Variants in CASKIN1 observed in about 807,000 individuals in gnomAD.
CASKIN1 encodes CASK interacting protein 1, also known as caskin-1.
Under a neutral mutation model 117.5 loss-of-function variants are expected in CASKIN1, and 42 were observed. The ratio of observed to expected loss-of-function variants is 0.36; its 90% confidence interval spans 0.28 to 0.46. The LOEUF (loss-of-function observed/expected upper bound fraction) is 0.46, where lower values mean the gene tolerates loss of function less well. CASKIN1 is among the 20% of genes least tolerant of loss of function. The pLI is 1.00. For missense variants in CASKIN1, 2,083 were observed against 2,077.3 expected, an observed-to-expected ratio of 1.00 and a Z score of -0.05; for synonymous variants, 1,148 against 961.7, an observed-to-expected ratio of 1.19 and a Z score of -3.59.
Position 2,181,545 on chromosome 16 carries a change from G to C in CASKIN1, c.1823C>G (p.Ala608Gly), listed in dbSNP as rs779483964. ...GCCCCCCTCATACTTGGCGTATTCAGCCTTCTGCAGCTCTGCCAGCTTCCT... is the reference window on the plus strand; with the variant it reads ...GCCCCCCTCATACTTGGCGTATTCACCCTTCTGCAGCTCTGCCAGCTTCCT... ...AVRKLAELQK[A>G]EYAKYEGGPL... Residue 608 changes from alanine (A) to glycine (G), a missense_variant, in exon 18 of 20, where the codon GCT (alanine) becomes GGT (glycine). Transcript: ENST00000343516. The C allele has an allele frequency of 1.3e-6, 2 of 1,593,406 alleles. No homozygotes were observed. Among genetic ancestry groups the C allele is most frequent in the South Asian group, 2.3e-5 (2 of 88,832 alleles).
At position 2,182,009 on chromosome 16, in the gene CASKIN1, G is replaced by A. The variant is rs1391198411; in HGVS notation, c.1630-80C>T. On this transcript the variant is annotated intron_variant, in intron 16 of 19. Transcript: ENST00000343516. This position sits in a 1 kb window ranked among gnomAD's most constrained non-coding sequence, Gnocchi z 4.1. ...ATCTACCTGGAGCTGGAGGAGGAAGGGTCACCGGGCCAGCAGGGCACAGAC... is the reference window on the plus strand; with the variant it reads ...ATCTACCTGGAGCTGGAGGAGGAAGAGTCACCGGGCCAGCAGGGCACAGAC... 6.3e-7 allele frequency: 1 copy of A among 1,589,640 alleles called. No individual in the cohort carries two copies. The highest frequency in any genetic ancestry group is 8.6e-7 in the Non-Finnish European group (1 of 1,164,284).
rs761308138 is a variant in CASKIN1 at position 2,183,657 on chromosome 16, C to G, written c.1618G>C (p.Glu540Gln). 6.2e-7 allele frequency: 1 copy of G among 1,613,026 alleles called. No homozygotes were observed. Among genetic ancestry groups the G allele is most frequent in the African/African-American group, 1.3e-5 (1 of 74,922 alleles). The change falls in exon 16 of 20, where the codon GAG becomes CAG. Residue 540 changes from glutamate to glutamine, a missense_variant. By Grantham distance (29) the Glu-to-Gln change is conservative. Coordinates refer to ENST00000343516, the MANE Select transcript of CASKIN1 (RefSeq NM_020764.4). ...GCAGGTGGCCTTACGGGTTTGTGCT[C>G]AGGCAGCCAGTCAGGGATGCTTAGG... ...SGLSIPDWLP[E>Q]HKPANLAVWL...
chr16:2,179,550 A>G lies in CASKIN1; in HGVS notation c.3775+43T>C. The G allele has an allele frequency of 7.1e-7, 1 of 1,413,362 alleles. No homozygotes were observed. The highest frequency in any genetic ancestry group is 9.2e-7 in the Non-Finnish European group (1 of 1,085,564). The allele number at this position is 1,413,362 out of a possible 1,614,324, so 87.6% of individuals were successfully genotyped here. On this transcript the variant is annotated intron_variant, in intron 18 of 19. Transcript: ENST00000343516. This position sits in a 1 kb window ranked among gnomAD's most constrained non-coding sequence, Gnocchi z 5.8. ...CTCAGACCACCGAGTAAGGAGGTGG[A>G]GCAGGGTCCTGTTGCCCCTTCACCC...
intron 6 of CASKIN1, among the ~76,000 whole-genome samples, chr16:2,188,663 C>T (rs1430573994): frequency 6.6e-6 from 1 of 152,194 alleles, no homozygotes; most frequent in Non-Finnish European, 1.5e-5. Context: ...CCACAGTGAG[C>T]ACTGTTGAAG....
At chr16:2,183,508 G>T in intron 16 of CASKIN1, 138 bp downstream of exon 16, 1 of 798,208 alleles carries the variant, frequency 1.3e-6, no homozygotes, top group South Asian at 1.7e-5. Context: ...GAGGCTCCCT[G>T]CTAGCAGGGC....
chr16:2,179,927 C>G lies in CASKIN1; in HGVS notation c.3441G>C (p.Thr1147=). The change falls in exon 18 of 20, where the codon ACG becomes ACC. Residue 1147 remains threonine (T), a synonymous_variant. Coordinates refer to ENST00000343516, the MANE Select transcript of CASKIN1 (RefSeq NM_020764.4). This position sits in a 1 kb window ranked among gnomAD's most constrained non-coding sequence, Gnocchi z 5.8. ...NVKFILTESD[T]VKRRPKAKER... Reference sequence around the variant, plus strand: ...CCTTGGCCTTGGGCCTGCGCTTGACCGTGTCAGACTCGGTCAGGATGAACT... The same window carrying G: ...CCTTGGCCTTGGGCCTGCGCTTGACGGTGTCAGACTCGGTCAGGATGAACT... 6.2e-7 allele frequency: 1 copy of G among 1,605,858 alleles called. No homozygotes were observed. Among genetic ancestry groups the G allele is most frequent in the Non-Finnish European group, 8.5e-7 (1 of 1,176,726 alleles).
chr16:2,185,470 A>G (rs2093181286), intron 10 of CASKIN1, 62 bp from the exon 11 acceptor site: 2 of 1,398,322 alleles, frequency 1.4e-6, no homozygotes, highest in African/African-American at 2.9e-5. Context: ...GACGCAGGGG[A>G]GGCAGGACAG....
intron 1 of CASKIN1, among the ~76,000 whole-genome samples, chr16:2,194,049 C>T (rs1020515873): frequency 2.6e-5 from 4 of 152,186 alleles, no homozygotes; most frequent in South Asian, 2.1e-4. Context: ...ACAGTAAAGG[C>T]CTTACCCCCG....
intron 1 of CASKIN1, 122 bp from the exon 2 acceptor site, chr16:2,190,480 C>A: frequency 3.5e-6 from 3 of 856,536 alleles, no homozygotes; most frequent in South Asian, 3.1e-5. Flanking sequence ...TCTCAGTCTG[C>A]AGACACTCAC....
At chr16:2,194,218 C>T (rs2093209261) in intron 1 of CASKIN1, among the ~76,000 whole-genome samples, 1 of 152,120 alleles carries the variant, frequency 6.6e-6, no homozygotes, top group Non-Finnish European at 1.5e-5. Context: ...ATTCTTGGGC[C>T]TGCCTCCATG....
chr16:2,179,497 T>C lies in CASKIN1; in HGVS notation c.3775+96A>G. 2.9e-6 allele frequency: 4 copies of C among 1,390,904 alleles called. No homozygotes were observed. The highest frequency in any genetic ancestry group is 3.7e-6 in the Non-Finnish European group (4 of 1,072,606). The allele number at this position is 1,390,904 out of a possible 1,614,324, so 86.2% of individuals were successfully genotyped here. On this transcript the variant is annotated intron_variant, in intron 18 of 19. Transcript: ENST00000343516. The surrounding 1 kb of genome is among the most constrained non-coding windows in gnomAD (Gnocchi z 5.8). ...GACACGTTCCCACCCCACCTGGGCT[T>C]CCATCAAACCCAAGAAAAGGAAAAC...
At position 2,189,107 on chromosome 16, in the gene CASKIN1, G is replaced by A. The variant is rs1267777837; in HGVS notation, c.537C>T (p.Pro179=). ...SSNMCAALLE[P]RPGDATDPNG... is the part of the protein sequence containing the mutation. ...TGGGGTCGGTGGCGTCTCCCGGCCGGGGCTCCAGCAGCGCCGCACACATAT... is the reference window on the plus strand; with the variant it reads ...TGGGGTCGGTGGCGTCTCCCGGCCGAGGCTCCAGCAGCGCCGCACACATAT... The change falls in exon 6 of 20, where the codon CCC becomes CCT. Residue 179 remains proline, a synonymous_variant. Coordinates refer to ENST00000343516, the MANE Select transcript of CASKIN1 (RefSeq NM_020764.4). The A allele has an allele frequency of 6.2e-7, 1 of 1,613,434 alleles. No homozygotes were observed. The highest frequency in any genetic ancestry group is 8.5e-7 in the Non-Finnish European group (1 of 1,179,830).
At chr16:2,178,739 G>T (rs1325121059) in intron 19 of CASKIN1, 93 bp from the exon 20 acceptor site, 20 of 1,354,090 alleles carry the variant, frequency 1.5e-5, no homozygotes, top group Non-Finnish European at 1.8e-5. Flanking sequence ...CATCTCCGTC[G>T]GCTTCCGCCT....
In CASKIN1 at chr16:2,178,376, C is replaced by T; in HGVS notation, c.*174G>A. Reference sequence around the variant, plus strand: ...CAGGGTCTGCCTAGAGCCCTTGGAGCCCCCGGCCAGGCGGTCCCCGGTGGG... The same window carrying T: ...CAGGGTCTGCCTAGAGCCCTTGGAGTCCCCGGCCAGGCGGTCCCCGGTGGG... On this transcript the variant is annotated 3_prime_UTR_variant, in exon 20 of 20. Transcript: ENST00000343516. The T allele has an allele frequency of 2.1e-6, 1 of 465,472 alleles. No homozygotes were observed. Among genetic ancestry groups the T allele is most frequent in the East Asian group, 4.0e-5 (1 of 24,872 alleles). The allele number at this position is 465,472 out of a possible 1,614,324, so 28.8% of individuals were successfully genotyped here.
Position 2,177,545 on chromosome 16 carries a change from G to T in CASKIN1, c.*1005C>A, listed in dbSNP as rs961930711. 6.8e-5 allele frequency: 16 copies of T among 234,404 alleles called. No homozygotes were observed. Among genetic ancestry groups the T allele is most frequent in the Non-Finnish European group, 1.1e-4 (13 of 118,880 alleles). 14.5% of individuals were successfully genotyped at this position (234,404 alleles called of 1,614,324 possible). ...AGAGAGGAAAAGGGAGGGCGAGAAT[G>T]ACCACACAACACAGCCTTGGACCAT... On this transcript the variant is annotated 3_prime_UTR_variant, in exon 20 of 20. Coordinates refer to ENST00000343516, the MANE Select transcript of CASKIN1 (RefSeq NM_020764.4).
rs141160400 is a variant in CASKIN1, at chr16:2,187,325, G to A, written c.726+28C>T. The A allele has an allele frequency of 1.2e-3, 1,999 of 1,613,048 alleles. 22 individuals are homozygous for A. In the African/African-American group the frequency reaches 0.022, roughly 18 times the overall value. ...GTCAGGAGCCCCTACAGTCCACTGGGCCCAGCGCCCCTGGGCCCCACACTC... is the reference window on the plus strand; with the variant it reads ...GTCAGGAGCCCCTACAGTCCACTGGACCCAGCGCCCCTGGGCCCCACACTC... On this transcript the variant is annotated intron_variant, in intron 7 of 19. Transcript: ENST00000343516.
At chr16:2,194,256 G>A (rs377657238) in intron 1 of CASKIN1, among the ~76,000 whole-genome samples, 8 of 152,146 alleles carry the variant, frequency 5.3e-5, no homozygotes, top group African/African-American at 1.7e-4. Flanking sequence ...GATAGGGTCC[G>A]GGTCAGAGGG....
At chr16:2,186,602 C>A in intron 10 of CASKIN1, 105 bp downstream of exon 10, 1 of 998,758 alleles carries the variant, frequency 1.0e-6, no homozygotes, top group Non-Finnish European at 1.5e-6. Context: ...CGCTGGCACC[C>A]AGAAACCCAG....
intron 6 of CASKIN1, 61 bp downstream of exon 6, chr16:2,188,966 C>A: frequency 6.4e-7 from 1 of 1,556,978 alleles, no homozygotes; most frequent in Non-Finnish European, 8.7e-7. Context: ...GCCCTGAGCC[C>A]CAGGCTGCTG....
Sources: allele counts gnomAD v4.1 joint callset (sites outside exome capture counted in the v4.1 genomes callset), GRCh38; gene constraint gnomAD v4.1.1; non-coding constraint Gnocchi (gnomAD v3.1); transcripts MANE v1.5; gene names NCBI Gene and HGNC (gene_info 2026-07-23, HGNC 2026-07-21).